Variants in RIOK1 observed in about 807,000 individuals in gnomAD.
RIOK1 encodes the protein RIO kinase 1.
RIOK1 carries 66 observed loss-of-function variants against 73.5 expected under a neutral mutation model. The observed-to-expected ratio is 0.90, with a 90% CI of 0.74 to 1.10. RIOK1 has a LOEUF of 1.10. RIOK1 is among the 50% of genes least tolerant of loss of function. The probability of loss-of-function intolerance (pLI) is 0.00; values close to 1 mark genes in which losing one functional copy is unlikely to be tolerated. For missense variants in RIOK1, 658 were observed against 699.8 expected (o/e 0.94, Z 0.67); for synonymous variants, 224 against 226.8 (o/e 0.99, Z 0.11).
rs34455054 is a variant in RIOK1, at chr6:7,405,009, G to A, written c.1084G>A (p.Ala362Thr). Residue 362 changes from alanine to threonine, a missense_variant, in exon 11 of 17, where the codon GCC (alanine) becomes ACC (threonine). By Grantham distance (58) the Ala-to-Thr change is moderately conservative. Coordinates refer to ENST00000379834, the MANE Select transcript of RIOK1 (RefSeq NM_031480.3). ...HALEFLRKDCANVNDFFMRHS... is the reference protein window; with the variant it reads ...HALEFLRKDCTNVNDFFMRHS... ...CTTGGAGTTCTTGAGAAAGGATTGCGCCAACGTCAATGGTGAGTAGAAACG... is the reference window on the plus strand; with the variant it reads ...CTTGGAGTTCTTGAGAAAGGATTGCACCAACGTCAATGGTGAGTAGAAACG... 2.7e-3 allele frequency: 4,435 copies of A among 1,613,630 alleles called. 15 individuals are homozygous for A. The highest frequency in any genetic ancestry group is 3.5e-3 in the Non-Finnish European group (4,075 of 1,179,654).
chr6:7,404,098 A>G (rs563244432), intron 9 of RIOK1, 71 bp downstream of exon 9: 59 of 1,012,814 alleles, frequency 5.8e-5, no homozygotes, highest in Non-Finnish European at 8.5e-5. Context: ...TTTATCCACT[A>G]TATGAATATT....
chr6:7,402,361 C>T (rs553062065), intron 6 of RIOK1, among the ~76,000 whole-genome samples: 3 of 152,300 alleles, frequency 2.0e-5, no homozygotes, highest in Admixed American at 6.5e-5. Flanking sequence ...CTCATATATG[C>T]GGTCTGTCAC....
At chr6:7,393,693 A>G (rs1361822477) in intron 2 of RIOK1, among the ~76,000 whole-genome samples, 1 of 152,222 alleles carries the variant, frequency 6.6e-6, no homozygotes, top group Admixed American at 6.5e-5. Flanking sequence ...TTAAAGACAA[A>G]ACATATCATT....
intron 12 of RIOK1, among the ~76,000 whole-genome samples, chr6:7,409,257 G>C (rs906757129): frequency 6.7e-6 from 1 of 149,328 alleles, no homozygotes; most frequent in East Asian, 2.0e-4. Flanking sequence ...GTGTGTGTGT[G>C]TGTGTGTGTG....
At position 7,389,846 on chromosome 6, in the gene RIOK1, G is replaced by C; in HGVS notation, c.-157G>C. The stretch of plus-strand genomic sequence containing the variant: ...GGGTGGCAGGGTGGTGGATCTGTCG[G>C]TCCCGTTTTCCCGTCGCACGTGGTG... On this transcript the variant is annotated 5_prime_UTR_variant, in exon 1 of 17. Coordinates refer to ENST00000379834, the MANE Select transcript of RIOK1 (RefSeq NM_031480.3). The C allele has an allele frequency of 1.6e-6, 1 of 623,182 alleles. No individual in the cohort carries two copies. The highest frequency in any genetic ancestry group is 2.9e-6 in the Non-Finnish European group (1 of 347,526). The allele number at this position is 623,182 out of a possible 1,614,324, so 38.6% of individuals were successfully genotyped here.
At chr6:7,390,722 G>A (rs2113492733) in intron 1 of RIOK1, among the ~76,000 whole-genome samples, 1 of 152,330 alleles carries the variant, frequency 6.6e-6, no homozygotes, top group African/African-American at 2.4e-5. Context: ...GATTGGTAGG[G>A]TGATAGAGAA....
intron 5 of RIOK1, among the ~76,000 whole-genome samples, chr6:7,399,934 G>A (rs992535299): frequency 1.3e-5 from 2 of 152,226 alleles, no homozygotes; most frequent in African/African-American, 2.4e-5. Context: ...GGACCCTAAA[G>A]TATAGTTGAG....
intron 1 of RIOK1, 71 bp downstream of exon 1, chr6:7,390,144 C>T: frequency 7.6e-7 from 1 of 1,318,566 alleles, no homozygotes; most frequent in Admixed American, 2.3e-5. Context: ...GGTGTGGACT[C>T]TTGTTTGCGG....
intron 8 of RIOK1, among the ~76,000 whole-genome samples, chr6:7,403,581 G>C (rs1389758173): frequency 6.6e-6 from 1 of 152,206 alleles, no homozygotes; most frequent in Non-Finnish European, 1.5e-5. Context: ...TTAGGTGTGA[G>C]TCCAACTATT....
At chr6:7,391,374 A>G (rs1195670938) in intron 1 of RIOK1, among the ~76,000 whole-genome samples, 2 of 152,128 alleles carry the variant, frequency 1.3e-5, no homozygotes, top group Admixed American at 6.6e-5. Context: ...GAAGTGGGGG[A>G]AAAATAGGGA....
chr6:7,394,161 C>T (rs1163442427), intron 2 of RIOK1, among the ~76,000 whole-genome samples: 2 of 152,204 alleles, frequency 1.3e-5, no homozygotes, highest in African/African-American at 4.8e-5. Context: ...CGGCTGGGCG[C>T]AGTGGCTCCT....
chr6:7,398,706 T>G lies in RIOK1; in HGVS notation c.446T>G (p.Ile149Ser), dbSNP rs1385892555. 6.2e-7 allele frequency: 1 copy of G among 1,613,142 alleles called. No individual in the cohort carries two copies. The highest frequency in any genetic ancestry group is 8.5e-7 in the Non-Finnish European group (1 of 1,179,474). Residue 149 changes from isoleucine to serine, a missense_variant, in exon 5 of 17, where the codon ATC becomes AGC. Physicochemically the swap from Ile to Ser is moderately radical, Grantham distance 142. Transcript: ENST00000379834. ...SRQKEADMYR[I>S]KDKADRATVE... ...TTTTTGTTTTTGGTTAGGTATCGCA[T>G]CAAAGATAAGGCAGACAGAGCAACT... is the stretch of plus-strand genomic sequence containing the variant.
At chr6:7,405,696 C>T (rs778227454) in intron 12 of RIOK1, among the ~76,000 whole-genome samples, 1 of 151,806 alleles carries the variant, frequency 6.6e-6, no homozygotes, top group Non-Finnish European at 1.5e-5. Context: ...TTCATTTTGA[C>T]AGCTTCCTGA....
intron 1 of RIOK1, among the ~76,000 whole-genome samples, chr6:7,391,191 A>G (rs986431600): frequency 1.3e-4 from 20 of 152,264 alleles, no homozygotes; most frequent in Non-Finnish European, 1.2e-4. Context: ...GGATGTTTTC[A>G]ATAAATATAT....
intron 4 of RIOK1, 56 bp downstream of exon 4, chr6:7,396,828 G>A (rs775212438): frequency 1.1e-5 from 10 of 912,390 alleles, no homozygotes; most frequent in Non-Finnish European, 1.8e-5. Context: ...AGATTAAGCA[G>A]CACCTTGATC....
rs200129596 is a variant in RIOK1, at chr6:7,405,302, T to G, written c.1150T>G (p.Phe384Val). The change falls in exon 12 of 17, where the codon TTT (phenylalanine) becomes GTT (valine). Residue 384 changes from phenylalanine to valine, a missense_variant. Coordinates refer to ENST00000379834, the MANE Select transcript of RIOK1 (RefSeq NM_031480.3). ...AVMTVRELFEFVTDPSITHEN... is the reference protein window; with the variant it reads ...AVMTVRELFEVVTDPSITHEN... ...CATGACTGTGCGGGAGCTCTTTGAATTTGTCACAGATCCATCCATTACACA... is the reference window on the plus strand; with the variant it reads ...CATGACTGTGCGGGAGCTCTTTGAAGTTGTCACAGATCCATCCATTACACA... 2.4e-4 allele frequency: 391 copies of G among 1,613,580 alleles called. No homozygotes were observed. Among genetic ancestry groups the G allele is most frequent in the South Asian group, 1.7e-3 (157 of 91,068 alleles).
intron 11 of RIOK1, 83 bp downstream of exon 11, chr6:7,405,104 C>A: frequency 7.8e-7 from 1 of 1,275,086 alleles, no homozygotes; most frequent in Non-Finnish European, 1.1e-6. Context: ...GTAAAATTTT[C>A]TCACTAAATT....
At chr6:7,407,649 C>T (rs1365069136) in intron 12 of RIOK1, among the ~76,000 whole-genome samples, 4 of 151,934 alleles carry the variant, frequency 2.6e-5, no homozygotes, top group Admixed American at 6.6e-5. Flanking sequence ...TGACACCCAG[C>T]CAATTTTTTT....
chr6:7,406,769 A>T (rs569152367), intron 12 of RIOK1, among the ~76,000 whole-genome samples: 2 of 152,042 alleles, frequency 1.3e-5, no homozygotes, highest in South Asian at 4.2e-4. Context: ...AAGCAATTCT[A>T]CCACCCTGGC....
Sources: allele counts gnomAD v4.1 joint callset (sites outside exome capture counted in the v4.1 genomes callset), GRCh38; gene constraint gnomAD v4.1.1; transcripts MANE v1.5; gene names NCBI Gene and HGNC (gene_info 2026-07-23, HGNC 2026-07-21).